Variants in PPFIA2 observed in about 807,000 individuals in gnomAD.
PPFIA2 encodes liprin-alpha-2.
A neutral mutation model predicts 175.5 loss-of-function variants in PPFIA2; 46 were observed. The observed-to-expected ratio is 0.26, with a 90% confidence interval of 0.21 to 0.34. The LOEUF is 0.34. Ranked by LOEUF, PPFIA2 falls within the 10% of genes least tolerant of loss-of-function variation. PPFIA2 has a pLI of 1.00. For missense variants in PPFIA2, 1,179 were observed against 1,506.1 expected (o/e 0.78, Z 3.60); for synonymous variants, 568 against 511.4 (o/e 1.11, Z -1.49).
At chr12:81,722,348 A>G (rs2079467055) in intron 3 of PPFIA2, among the ~76,000 whole-genome samples, 1 of 150,980 alleles carries the variant, frequency 6.6e-6, no homozygotes, top group South Asian at 2.1e-4. Flanking sequence ...TCTCTGACAG[A>G]TTTTTCTCTA....
At chr12:81,458,010 A>G in intron 4 of PPFIA2, 144 bp from the exon 5 acceptor site, 1 of 596,684 alleles carries the variant, frequency 1.7e-6, no homozygotes, top group Non-Finnish European at 2.9e-6. Flanking sequence ...GAAGTATCTT[A>G]AATACATTAT....
At chr12:81,377,194 C>CT (rs2036564339) in intron 9 of PPFIA2, among the ~76,000 whole-genome samples, 1 of 151,878 alleles carries the variant, frequency 6.6e-6, no homozygotes, top group East Asian at 1.9e-4. Flanking sequence ...CATATTTATA[C>CT]GTGCCATTAT....
chr12:81,499,125 C>T (rs1480793725), intron 4 of PPFIA2, among the ~76,000 whole-genome samples: 1 of 152,144 alleles, frequency 6.6e-6, no homozygotes, highest in Admixed American at 6.5e-5. Context: ...GCAGGCTTGC[C>T]GCCCCTGCAG....
At chr12:81,722,173 G>T (rs949607141) in intron 3 of PPFIA2, among the ~76,000 whole-genome samples, 1 of 150,886 alleles carries the variant, frequency 6.6e-6, no homozygotes, top group African/African-American at 2.4e-5. Context: ...TATAACCTAG[G>T]AGTATTCAAT....
chr12:81,631,781 C>T (rs955021751), intron 4 of PPFIA2, among the ~76,000 whole-genome samples: 11 of 152,186 alleles, frequency 7.2e-5, no homozygotes, highest in Middle Eastern at 3.2e-3. Flanking sequence ...ATTGGACTTA[C>T]AGTCGCCAAA....
intron 4 of PPFIA2, among the ~76,000 whole-genome samples, chr12:81,675,150 AATCT>A (rs5799545): frequency 0.3 from 46,133 of 151,572 alleles, 8,015 homozygotes; most frequent in Middle Eastern, 0.4. Flanking sequence ...AAAAGAAAAA[AATCT>A]ATCTATCTAA....
At chr12:81,719,509 T>G (rs2079059166) in intron 3 of PPFIA2, among the ~76,000 whole-genome samples, 1 of 151,562 alleles carries the variant, frequency 6.6e-6, no homozygotes, top group South Asian at 2.1e-4. Flanking sequence ...AGCCTAATTT[T>G]CATCTCCTGT....
chr12:81,487,696 T>A (rs1220633608), intron 4 of PPFIA2, among the ~76,000 whole-genome samples: 1 of 151,768 alleles, frequency 6.6e-6, no homozygotes, highest in Non-Finnish European at 1.5e-5. Flanking sequence ...GGCCCACTCT[T>A]AGGATTCTTT....
intron 4 of PPFIA2, among the ~76,000 whole-genome samples, chr12:81,508,758 TCC>T (rs1445013866): frequency 2.8e-5 from 2 of 71,592 alleles, no homozygotes; most frequent in Admixed American, 1.8e-4. Flanking sequence ...ATGCTATCCC[TCC>T]CCCCTCCCCC....
intron 4 of PPFIA2, among the ~76,000 whole-genome samples, chr12:81,477,742 A>G (rs1593612426): frequency 6.6e-6 from 1 of 152,252 alleles, no homozygotes; most frequent in East Asian, 1.9e-4. Flanking sequence ...CTTGCATCCT[A>G]GGGGTGAAGC....
chr12:81,595,811 G>A (rs956727253), intron 4 of PPFIA2, among the ~76,000 whole-genome samples: 1 of 152,088 alleles, frequency 6.6e-6, no homozygotes. Context: ...AAAATGACAG[G>A]ATAGTTTGGA....
intron 3 of PPFIA2, among the ~76,000 whole-genome samples, chr12:81,747,731 A>G (rs1342406353): frequency 6.9e-6 from 1 of 144,048 alleles, no homozygotes; most frequent in Admixed American, 7.3e-5. Context: ...TAGCAAGTCC[A>G]ATTATACCTA....
intron 3 of PPFIA2, among the ~76,000 whole-genome samples, chr12:81,705,200 A>T (rs1054598190): frequency 2.0e-5 from 3 of 150,212 alleles, no homozygotes; most frequent in African/African-American, 7.3e-5. Flanking sequence ...CTATAATCCC[A>T]GCAGTTTGGG....
At chr12:81,597,424 A>G (rs2153451867) in intron 4 of PPFIA2, among the ~76,000 whole-genome samples, 1 of 152,206 alleles carries the variant, frequency 6.6e-6, no homozygotes, top group South Asian at 2.1e-4. Context: ...ATTGGAAAGC[A>G]TACTAAACTT....
intron 4 of PPFIA2, among the ~76,000 whole-genome samples, chr12:81,643,958 C>T (rs550335816): frequency 2.8e-4 from 42 of 151,902 alleles, no homozygotes; most frequent in African/African-American, 8.4e-4. Flanking sequence ...CCCCAATTTT[C>T]GAAAGCAAAC....
At chr12:81,606,434 C>G (rs1004084912) in intron 4 of PPFIA2, among the ~76,000 whole-genome samples, 16 of 152,114 alleles carry the variant, frequency 1.1e-4, no homozygotes, top group African/African-American at 3.9e-4. Flanking sequence ...TACATTCCCA[C>G]CAATAGTGTA....
At chr12:81,339,674 A>G (rs562389584) in intron 20 of PPFIA2, among the ~76,000 whole-genome samples, 3 of 152,020 alleles carry the variant, frequency 2.0e-5, no homozygotes, top group Non-Finnish European at 2.9e-5. Context: ...TTGTCTATTT[A>G]TTTCTCAGAG....
At chr12:81,616,113 G>A (rs1292064874) in intron 4 of PPFIA2, among the ~76,000 whole-genome samples, 1 of 152,012 alleles carries the variant, frequency 6.6e-6, no homozygotes, top group Non-Finnish European at 1.5e-5. Flanking sequence ...GTATTGTTGG[G>A]GGAGAGAATT....
chr12:81,715,863 T>C (rs1329031758), intron 3 of PPFIA2, among the ~76,000 whole-genome samples: 1 of 151,672 alleles, frequency 6.6e-6, no homozygotes. Context: ...ATTTGGACTA[T>C]TATTGTGAAC....
Sources: gnomAD v4.1 joint callset for allele counts (sites outside exome capture counted in the v4.1 genomes callset) on GRCh38, gnomAD v4.1.1 for gene constraint, MANE v1.5 for transcripts, NCBI Gene and HGNC (gene_info 2026-07-23, HGNC 2026-07-21) for gene names.